RABGAP1L: variants seen among roughly 807,000 people sequenced by gnomAD.
RABGAP1L encodes RAB GTPase activating protein 1 like, also known as rab GTPase-activating protein 1-like.
A neutral mutation model predicts 137.7 loss-of-function variants in RABGAP1L; 63 were observed. The observed-to-expected ratio is 0.46, with a 90% CI of 0.37 to 0.56. The LOEUF is 0.56. Ranked by LOEUF, RABGAP1L falls within the 20% of genes least tolerant of loss-of-function variation. The pLI is 0.00. For synonymous variants in RABGAP1L, 431 were observed against 433.7 expected (o/e 0.99, Z 0.08); for missense variants, 1,095 against 1,244.0 (o/e 0.88, Z 1.80).
At chr1:174,203,832 G>C (rs1245395592) in intron 1 of RABGAP1L, among the ~76,000 whole-genome samples, 3 of 151,844 alleles carry the variant, frequency 2.0e-5, no homozygotes, top group African/African-American at 4.8e-5. Flanking sequence ...GTATTCCCAG[G>C]TATTTTGTTC....
chr1:174,625,178 G>C (rs1672853159), intron 13 of RABGAP1L, among the ~76,000 whole-genome samples: 2 of 151,714 alleles, frequency 1.3e-5, no homozygotes, highest in African/African-American at 2.4e-5. Context: ...GGCCTATCTT[G>C]CTTTATTTTT....
chr1:174,925,377 A>AAAC, intron 19 of RABGAP1L, among the ~76,000 whole-genome samples: 1 of 151,012 alleles, frequency 6.6e-6, no homozygotes, highest in African/African-American at 2.4e-5. Flanking sequence ...AAAAAAAAAA[A>AAAC]AACAGCAAAA....
At chr1:174,714,730 C>A (rs1407449150) in intron 17 of RABGAP1L, among the ~76,000 whole-genome samples, 1 of 152,160 alleles carries the variant, frequency 6.6e-6, no homozygotes, top group East Asian at 1.9e-4. Flanking sequence ...CCAAAGTTAA[C>A]CTAGACACTC....
intron 4 of RABGAP1L, among the ~76,000 whole-genome samples, chr1:174,240,547 C>T (rs1558061638): frequency 6.6e-6 from 1 of 152,232 alleles, no homozygotes; most frequent in Non-Finnish European, 1.5e-5. Context: ...TGCGCCCAAC[C>T]AGGACTTAGG....
At chr1:174,423,112 CCT>C (rs2149171390) in intron 13 of RABGAP1L, among the ~76,000 whole-genome samples, 1 of 152,022 alleles carries the variant, frequency 6.6e-6, no homozygotes, top group Admixed American at 6.6e-5. Flanking sequence ...AGTGTATTTC[CCT>C]TTTTTGAAAT....
chr1:174,864,840 A>G (rs572309208), intron 19 of RABGAP1L, among the ~76,000 whole-genome samples: 82 of 152,270 alleles, frequency 5.4e-4, no homozygotes, highest in African/African-American at 1.8e-3. Context: ...GCATCAGGCT[A>G]GTGTGGTGGC....
At chr1:174,431,287 G>C (rs914702592) in intron 13 of RABGAP1L, among the ~76,000 whole-genome samples, 19 of 151,954 alleles carry the variant, frequency 1.3e-4, no homozygotes, top group Admixed American at 3.3e-4. Context: ...AATTTTTATG[G>C]GATTTCATTG....
At chr1:174,780,365 A>G (rs1458604240) in intron 18 of RABGAP1L, among the ~76,000 whole-genome samples, 1 of 152,048 alleles carries the variant, frequency 6.6e-6, no homozygotes, top group Admixed American at 6.6e-5. Context: ...TTAGCCACAC[A>G]TACCTTACGC....
intron 13 of RABGAP1L, among the ~76,000 whole-genome samples, chr1:174,440,071 G>A (rs1055443132): frequency 6.6e-6 from 1 of 152,214 alleles, no homozygotes. Flanking sequence ...CTAGTAAGCA[G>A]TTATAAATAT....
At chr1:174,623,547 A>G (rs1042318680) in intron 13 of RABGAP1L, among the ~76,000 whole-genome samples, 2 of 152,194 alleles carry the variant, frequency 1.3e-5, no homozygotes, top group Non-Finnish European at 2.9e-5. Flanking sequence ...AGCACCAAAT[A>G]TGGAGCTTCC....
chr1:174,695,577 C>T (rs990698041), intron 15 of RABGAP1L, among the ~76,000 whole-genome samples: 1 of 152,168 alleles, frequency 6.6e-6, no homozygotes, highest in Non-Finnish European at 1.5e-5. Context: ...TTAAATGTCA[C>T]ATATCTCTCA....
chr1:174,834,615 G>A (rs71645218), intron 19 of RABGAP1L, among the ~76,000 whole-genome samples: 13 of 47,698 alleles, frequency 2.7e-4, no homozygotes, highest in East Asian at 7.4e-4. Context: ...CCCCCCCGCC[G>A]CCCCCCATTA....
chr1:174,870,743 T>C (rs967224352), intron 19 of RABGAP1L, among the ~76,000 whole-genome samples: 1 of 150,836 alleles, frequency 6.6e-6, no homozygotes, highest in Non-Finnish European at 1.5e-5. Context: ...ATAACTTCTT[T>C]TTTTTTTTTT....
intron 1 of RABGAP1L, among the ~76,000 whole-genome samples, chr1:174,218,057 G>GTCCT (rs1452778963): frequency 1.3e-5 from 2 of 152,096 alleles, no homozygotes; most frequent in East Asian, 3.9e-4. Context: ...TAGCCTGCTT[G>GTCCT]TCCTGCCCCT....
intron 19 of RABGAP1L, among the ~76,000 whole-genome samples, chr1:174,835,606 C>T (rs1692658893): frequency 6.6e-6 from 1 of 152,168 alleles, no homozygotes; most frequent in African/African-American, 2.4e-5. Flanking sequence ...TCTTTTCTTT[C>T]TGCTGACACA....
At chr1:174,797,308 A>G (rs1303563600) in intron 18 of RABGAP1L, among the ~76,000 whole-genome samples, 4 of 152,140 alleles carry the variant, frequency 2.6e-5, no homozygotes, top group Non-Finnish European at 4.4e-5. Flanking sequence ...ATTCACATTT[A>G]AGAGCAATTC....
chr1:174,849,937 A>G, intron 19 of RABGAP1L: 1 of 686,086 alleles, frequency 1.5e-6, no homozygotes, highest in Admixed American at 1.9e-5. Context: ...ACCTGCATGG[A>G]AGACACAGGA....
chr1:174,322,204 G>A (rs1012725400), intron 11 of RABGAP1L, among the ~76,000 whole-genome samples: 3 of 151,938 alleles, frequency 2.0e-5, no homozygotes, highest in Non-Finnish European at 4.4e-5. Context: ...ATGTTTTATA[G>A]TTTAGATTTT....
chr1:174,947,126 A>G (rs911886121), intron 19 of RABGAP1L, among the ~76,000 whole-genome samples: 2 of 150,844 alleles, frequency 1.3e-5, no homozygotes, highest in Non-Finnish European at 3.0e-5. Context: ...AGTTCTGAGT[A>G]AGAGGTTTAA....
Sources: allele counts gnomAD v4.1 joint callset (sites outside exome capture counted in the v4.1 genomes callset), GRCh38; gene constraint gnomAD v4.1.1; transcripts MANE v1.5; gene names NCBI Gene and HGNC (gene_info 2026-07-23, HGNC 2026-07-21).